ABCG8: variants seen among roughly 807,000 people sequenced by gnomAD.
ABCG8 encodes ATP binding cassette subfamily G member 8.
Under a neutral mutation model 71.3 loss-of-function variants are expected in ABCG8, and 81 were observed. That is an observed-to-expected ratio of 1.14 (90% CI 0.95 to 1.37). The LOEUF (loss-of-function observed/expected upper bound fraction) is 1.37. Ranked by LOEUF, ABCG8 falls within the 40% of genes most tolerant of loss-of-function variation. The pLI is 0.00. For synonymous variants in ABCG8, 451 were observed against 354.7 expected (o/e 1.27, Z -3.05); for missense variants, 1,119 against 866.2 (o/e 1.29, Z -3.66).
chr2:43,847,141 C>G (rs1668770300), intron 3 of ABCG8: 1 of 152,352 alleles, frequency 6.6e-6, no homozygotes, highest in Admixed American at 6.5e-5. Flanking sequence ...ATTCTCGGAT[C>G]AAGACATTTC....
At chr2:43,877,112 CTG>C (rs1333278731) in intron 11 of ABCG8, among the ~76,000 whole-genome samples, 3 of 148,694 alleles carry the variant, frequency 2.0e-5, no homozygotes, top group Non-Finnish European at 3.0e-5. Flanking sequence ...ATGGGGGAGA[CTG>C]TGGGAATATG....
chr2:43,859,082 C>A (rs72796777), intron 6 of ABCG8, among the ~76,000 whole-genome samples: 7,925 of 151,132 alleles, frequency 0.052, 245 homozygotes, highest in Middle Eastern at 0.11. Context: ...CTGGATAGAA[C>A]TGTCACTCTC....
chr2:43,846,140 G>C lies in ABCG8; in HGVS notation c.166-15G>C, dbSNP rs779270947. ...CATTCAGCTCTCTAAGGAACCTTCT[G>C]ATATCTCCCCACAGGTGGACCTGGC... On this transcript the variant is annotated splice_polypyrimidine_tract_variant and intron_variant, in intron 2 of 12. Coordinates refer to ENST00000272286, the MANE Select transcript of ABCG8 (RefSeq NM_022437.3). 4.3e-6 allele frequency: 7 copies of C among 1,612,558 alleles called. No homozygotes were observed. The South Asian group carries it at 7.7e-5, about 18-fold the overall frequency.
At chr2:43,866,890 T>G (rs1164856285) in intron 6 of ABCG8, among the ~76,000 whole-genome samples, 1 of 151,128 alleles carries the variant, frequency 6.6e-6, no homozygotes, top group African/African-American at 2.4e-5. Context: ...TAAAGACACA[T>G]GCACACGTAT....
rs148992570 is a variant in ABCG8, at chr2:43,853,752, A to G, written c.964+884A>G. Among the ~76,000 whole-genome samples, 1,185 of 152,326 alleles carry G rather than the reference A, an allele frequency of 7.8e-3. 18 individuals carry two copies. Among genetic ancestry groups the G allele is most frequent in the African/African-American group, 0.026 (1,065 of 41,566 alleles). On this transcript the variant is annotated intron_variant, in intron 6 of 12. Coordinates refer to ENST00000272286, the MANE Select transcript of ABCG8 (RefSeq NM_022437.3). ...TACAGATGAGAAGCCTGGAGCTTGC[A>G]GAGCTAAACACCTGTTCCAGCACAG... is the stretch of plus-strand genomic sequence containing the variant.
At chr2:43,866,434 G>A (rs931009777) in intron 6 of ABCG8, among the ~76,000 whole-genome samples, 13 of 151,868 alleles carry the variant, frequency 8.6e-5, no homozygotes, top group South Asian at 2.1e-4. Flanking sequence ...AAAAATTTTC[G>A]CAACCTACTC....
intron 3 of ABCG8, among the ~76,000 whole-genome samples, chr2:43,849,997 C>T (rs373475498): frequency 6.6e-5 from 10 of 152,116 alleles, no homozygotes; most frequent in African/African-American, 1.7e-4. Flanking sequence ...GTCAGGGGTT[C>T]GAGACCAGCC....
Position 43,852,765 on chromosome 2 carries a change from G to T in ABCG8, c.861G>T (p.Thr287=), listed in dbSNP as rs147540823. 5 of 1,614,016 alleles carry T rather than the reference G, an allele frequency of 3.1e-6. No individual in the cohort carries two copies. Among genetic ancestry groups the T allele is most frequent in the East Asian group, 4.5e-5 (2 of 44,880 alleles). ...FRLFDLVLLM[T]SGTPIYLGAA... is the part of the protein sequence containing the mutation. ...TGTTTGATCTGGTCCTCCTGATGAC[G>T]TCTGGCACCCCCATCTACTTAGGGG... Residue 287 remains threonine, a synonymous_variant, in exon 6 of 13, where the codon ACG becomes ACT. Transcript: ENST00000272286.
intron 6 of ABCG8, among the ~76,000 whole-genome samples, chr2:43,869,579 G>A (rs918954102): frequency 3.5e-5 from 5 of 142,212 alleles, no homozygotes; most frequent in South Asian, 4.6e-4. Context: ...AGAACTCTCA[G>A]TATCTGGATA....
At position 43,865,505 on chromosome 2, in the gene ABCG8, T is replaced by C. The variant is rs183026418; in HGVS notation, c.965-6471T>C. Among the ~76,000 whole-genome samples, 447 of 152,042 alleles carry C rather than the reference T, an allele frequency of 2.9e-3. 10 individuals are homozygous for C. The highest frequency in any genetic ancestry group is 1.5e-3 in the Non-Finnish European group (105 of 67,918). Reference sequence around the variant, plus strand: ...ACTCTCACTATCTGTCTGGATAGAATTCTCACTCTATGGATAGAACTCTGA... The same window carrying C: ...ACTCTCACTATCTGTCTGGATAGAACTCTCACTCTATGGATAGAACTCTGA... On this transcript the variant is annotated intron_variant, in intron 6 of 12. Coordinates refer to ENST00000272286, the MANE Select transcript of ABCG8 (RefSeq NM_022437.3).
chr2:43,844,014 G>GA (rs1407284014), intron 1 of ABCG8, among the ~76,000 whole-genome samples: 2 of 152,150 alleles, frequency 1.3e-5, no homozygotes, highest in African/African-American at 4.8e-5. Flanking sequence ...GTATCTTCAT[G>GA]AATATTGGGC....
rs896228003 is a variant in ABCG8, at chr2:43,879,863, T to C, written c.*1950T>C. The C allele has an allele frequency of 6.6e-6, 1 of 152,238 alleles. No individual in the cohort carries two copies. The highest frequency in any genetic ancestry group is 1.5e-5 in the Non-Finnish European group (1 of 68,034). The allele number at this position is 152,238 out of a possible 1,614,324, so 9.4% of individuals were successfully genotyped here. A position where few individuals can be genotyped will look rare whatever the true frequency, so the allele number is the denominator to read the frequency against. ...TTGATCACTTGATTAAAGGGGTGTC[T>C]GCTAGGCTTCTCCACAGCCAAGTTA... is the stretch of plus-strand genomic sequence containing the variant. On this transcript the variant is annotated 3_prime_UTR_variant, in exon 13 of 13. Coordinates refer to ENST00000272286, the MANE Select transcript of ABCG8 (RefSeq NM_022437.3).
intron 6 of ABCG8, among the ~76,000 whole-genome samples, chr2:43,869,189 C>G (rs1669660519): frequency 6.6e-6 from 1 of 151,870 alleles, no homozygotes; most frequent in South Asian, 2.1e-4. Context: ...GTAGAATTCT[C>G]ACTATCATTC....
chr2:43,869,837 A>G (rs1397724187), intron 6 of ABCG8, among the ~76,000 whole-genome samples: 1 of 150,622 alleles, frequency 6.6e-6, no homozygotes, highest in Non-Finnish European at 1.5e-5. Context: ...AACCCTCACT[A>G]TCTGTCTGGA....
intron 6 of ABCG8, among the ~76,000 whole-genome samples, chr2:43,858,262 C>G (rs959459990): frequency 1.6e-4 from 24 of 151,372 alleles, no homozygotes; most frequent in Middle Eastern, 3.4e-3. Context: ...ATCTCACCAT[C>G]TGAATTGAAC....
chr2:43,872,198 C>A (rs1422655374), intron 7 of ABCG8, 25 bp from the exon 8 acceptor site: 2 of 1,613,910 alleles, frequency 1.2e-6, no homozygotes, highest in Non-Finnish European at 1.7e-6. Flanking sequence ...GCCCCCATGA[C>A]CTGGCCACAT....
chr2:43,849,260 AT>A (rs1668839345), intron 3 of ABCG8, among the ~76,000 whole-genome samples: 3 of 149,720 alleles, frequency 2.0e-5, no homozygotes, highest in Non-Finnish European at 3.0e-5. Context: ...TGGGTAACTT[AT>A]AAAGAAAAGA....
chr2:43,849,711 C>T (rs566274131), intron 3 of ABCG8, among the ~76,000 whole-genome samples: 1 of 152,224 alleles, frequency 6.6e-6, no homozygotes, highest in South Asian at 2.1e-4. Flanking sequence ...TTGGTGAAGT[C>T]CTCTGTGTCC....
At chr2:43,841,808 A>G (rs1668588209) in intron 1 of ABCG8, among the ~76,000 whole-genome samples, 1 of 152,144 alleles carries the variant, frequency 6.6e-6, no homozygotes, top group Non-Finnish European at 1.5e-5. Context: ...GGTTACCTCC[A>G]CACATTGCTC....
Sources: gnomAD v4.1 joint callset for allele counts (sites outside exome capture counted in the v4.1 genomes callset) on GRCh38, gnomAD v4.1.1 for gene constraint, MANE v1.5 for transcripts, NCBI Gene and HGNC (gene_info 2026-07-23, HGNC 2026-07-21) for gene names.